Variants in LRP1B observed in about 807,000 individuals in gnomAD.
The protein encoded by LRP1B is LDL receptor related protein 1B.
In LRP1B, 217 loss-of-function variants were observed where a neutral mutation model predicts 556.6. The ratio of observed to expected loss-of-function variants is 0.39; its 90% CI spans 0.35 to 0.44. The LOEUF (loss-of-function observed/expected upper bound fraction) is 0.44, where lower values mean the gene tolerates loss of function less well. Ranked by LOEUF, LRP1B falls within the 20% of genes least tolerant of loss-of-function variation. LRP1B has a pLI of 1.00. For synonymous variants in LRP1B, 2,047 were observed against 1,865.8 expected (o/e 1.10, Z -2.50); for missense variants, 5,053 against 5,620.8 (o/e 0.90, Z 3.23).
intron 1 of LRP1B, among the ~76,000 whole-genome samples, chr2:142,119,982 A>G (rs145673983): frequency 6.6e-6 from 1 of 152,352 alleles, no homozygotes; most frequent in African/African-American, 2.4e-5. Flanking sequence ...TTATTCAATG[A>G]ATGTGTAGAT....
intron 66 of LRP1B, among the ~76,000 whole-genome samples, chr2:140,398,546 A>G (rs947827200): frequency 1.3e-4 from 15 of 112,012 alleles, no homozygotes; most frequent in Admixed American, 1.0e-3. Flanking sequence ...TTTTGTTTTG[A>G]GAAAGGGTGT....
At chr2:141,406,451 A>C (rs1559052834) in intron 3 of LRP1B, among the ~76,000 whole-genome samples, 1 of 151,806 alleles carries the variant, frequency 6.6e-6, no homozygotes. Context: ...AAATATGAAG[A>C]ATTTTTTAAT....
intron 3 of LRP1B, among the ~76,000 whole-genome samples, chr2:141,314,027 C>A (rs976501618): frequency 6.6e-6 from 1 of 151,714 alleles, no homozygotes; most frequent in Non-Finnish European, 1.5e-5. Context: ...CTTTTTTGGG[C>A]GGGCATTAGA....
At chr2:140,675,891 G>T (rs1685655194) in intron 41 of LRP1B, among the ~76,000 whole-genome samples, 1 of 152,060 alleles carries the variant, frequency 6.6e-6, no homozygotes, top group African/African-American at 2.4e-5. Flanking sequence ...TAAACATGAG[G>T]CCGTATTCTG....
chr2:142,021,804 T>C (rs1015159765), intron 1 of LRP1B, among the ~76,000 whole-genome samples: 13 of 152,116 alleles, frequency 8.5e-5, no homozygotes, highest in African/African-American at 3.1e-4. Flanking sequence ...GCCTCATAAA[T>C]TTCACTTTGT....
At chr2:141,020,386 T>C (rs1054936488) in intron 11 of LRP1B, among the ~76,000 whole-genome samples, 1 of 152,054 alleles carries the variant, frequency 6.6e-6, no homozygotes, top group African/African-American at 2.4e-5. Flanking sequence ...AACTTCAATT[T>C]ATTGTAATTC....
At chr2:140,715,763 A>G (rs1478778448) in intron 37 of LRP1B, among the ~76,000 whole-genome samples, 2 of 152,110 alleles carry the variant, frequency 1.3e-5, no homozygotes, top group African/African-American at 4.8e-5. Context: ...TTGGATTTAC[A>G]CACACATAAA....
At position 140,270,233 on chromosome 2, in the gene LRP1B, A is replaced by T. The variant is rs2104943607; in HGVS notation, c.13247+9T>A. 1 of 1,603,194 alleles carries T rather than the reference A, an allele frequency of 6.2e-7. No individual in the cohort carries two copies. Among genetic ancestry groups the T allele is most frequent in the Non-Finnish European group, 8.5e-7 (1 of 1,170,712 alleles). ...TTATAAGATGCCCATGACTTGATTA[A>T]ATACTCACAGACACACAGGTACATT... On this transcript the variant is annotated intron_variant, in intron 86 of 90. Transcript: ENST00000389484.
chr2:140,431,022 G>A (rs956038136), intron 66 of LRP1B, among the ~76,000 whole-genome samples: 3 of 152,114 alleles, frequency 2.0e-5, no homozygotes, highest in Admixed American at 2.0e-4. Flanking sequence ...GTCTGAGAAG[G>A]CCATCACGGT....
chr2:141,233,733 G>T (rs1270806697), intron 5 of LRP1B, among the ~76,000 whole-genome samples: 1 of 151,798 alleles, frequency 6.6e-6, no homozygotes, highest in African/African-American at 2.4e-5. Context: ...CATTTTTAAG[G>T]TTTCATTTAA....
intron 7 of LRP1B, among the ~76,000 whole-genome samples, chr2:141,070,949 C>T (rs941989413): frequency 7.9e-5 from 12 of 152,168 alleles, no homozygotes; most frequent in African/African-American, 2.9e-4. Context: ...GGTACCATTC[C>T]TTCTGAAACT....
At chr2:140,812,141 T>C (rs186965913) in intron 32 of LRP1B, among the ~76,000 whole-genome samples, 1 of 152,272 alleles carries the variant, frequency 6.6e-6, no homozygotes, top group East Asian at 1.9e-4. Flanking sequence ...TTCTATCACA[T>C]ATCTGGAAAT....
chr2:140,675,205 C>T (rs1189614990), intron 41 of LRP1B, among the ~76,000 whole-genome samples: 2 of 152,202 alleles, frequency 1.3e-5, no homozygotes, highest in Admixed American at 1.3e-4. Flanking sequence ...CTGACTGTGA[C>T]TTGATCATAT....
intron 1 of LRP1B, among the ~76,000 whole-genome samples, chr2:141,889,118 G>A (rs1391880928): frequency 6.6e-6 from 1 of 152,078 alleles, no homozygotes; most frequent in Non-Finnish European, 1.5e-5. Context: ...ATTTATGCCC[G>A]TGTTCACAGA....
intron 35 of LRP1B, among the ~76,000 whole-genome samples, chr2:140,729,756 C>T (rs941461985): frequency 6.6e-6 from 1 of 152,194 alleles, no homozygotes; most frequent in African/African-American, 2.4e-5. Context: ...GCTTCTCAAC[C>T]TATATTGGGG....
Position 140,304,074 on chromosome 2 carries a change from G to A in LRP1B, c.12806-6105C>T, listed in dbSNP as rs776112308. Among the ~76,000 whole-genome samples the A allele has an allele frequency of 1.2e-4, 18 of 152,294 alleles. 1 individual carries two copies. Among genetic ancestry groups the A allele is most frequent in the Middle Eastern group, 3.4e-3 (1 of 294 alleles). ...CAGTCTATCGTTGATGGACATTTGCGTTGGTTCCAAGTCTTTGCTATTGTG... is the reference window on the plus strand; with the variant it reads ...CAGTCTATCGTTGATGGACATTTGCATTGGTTCCAAGTCTTTGCTATTGTG... On this transcript the variant is annotated intron_variant, in intron 83 of 90. Coordinates refer to ENST00000389484, the MANE Select transcript of LRP1B (RefSeq NM_018557.3).
At chr2:141,221,473 C>T (rs543783639) in intron 6 of LRP1B, among the ~76,000 whole-genome samples, 39 of 152,098 alleles carry the variant, frequency 2.6e-4, no homozygotes, top group African/African-American at 8.7e-4. Flanking sequence ...ACTTTAACAC[C>T]CCACTGTCAA....
Position 140,232,452 on chromosome 2 carries a change from C to T in LRP1B, c.*734G>A, listed in dbSNP as rs1433546817. On this transcript the variant is annotated 3_prime_UTR_variant, in exon 91 of 91. Transcript: ENST00000389484. ...CTTATTCCATAGCAAGTGCAGTCGG[C>T]CAACTTTCGGTTATATTTTTGCTAT... 6.6e-6 allele frequency: 1 copy of T among 151,580 alleles called. No individual in the cohort carries two copies. Among genetic ancestry groups the T allele is most frequent in the Non-Finnish European group, 1.5e-5 (1 of 67,524 alleles). 9.4% of individuals were successfully genotyped at this position (151,580 alleles called of 1,614,324 possible). A position where few individuals can be genotyped will look rare whatever the true frequency, so the allele number is the denominator to read the frequency against.
chr2:140,504,509 C>G (rs1431181394), intron 53 of LRP1B, among the ~76,000 whole-genome samples: 1 of 152,216 alleles, frequency 6.6e-6, no homozygotes, highest in East Asian at 1.9e-4. Flanking sequence ...ATTAATATTA[C>G]TTATCCTCGT....
Sources: allele counts gnomAD v4.1 joint callset (sites outside exome capture counted in the v4.1 genomes callset), GRCh38; gene constraint gnomAD v4.1.1; transcripts MANE v1.5; gene names NCBI Gene and HGNC (gene_info 2026-07-23, HGNC 2026-07-21).